Variants in VPS13A observed in about 807,000 individuals in gnomAD.
VPS13A encodes intermembrane lipid transfer protein VPS13A.
In VPS13A, 264 loss-of-function variants were observed where a neutral mutation model predicts 390.9. The ratio of observed to expected loss-of-function variants is 0.68; its 90% CI spans 0.61 to 0.75. VPS13A has a LOEUF of 0.75. VPS13A is among the 30% of genes least tolerant of loss of function. VPS13A has a pLI of 0.00. For synonymous variants in VPS13A, 1,231 were observed against 1,227.1 expected, an observed-to-expected ratio of 1.00 and a Z score of -0.07; for missense variants, 3,409 against 3,733.9, an observed-to-expected ratio of 0.91 and a Z score of 2.27.
intron 50 of VPS13A, among the ~76,000 whole-genome samples, chr9:77,343,585 A>G (rs940960083): frequency 1.5e-4 from 23 of 152,184 alleles, no homozygotes; most frequent in African/African-American, 4.3e-4. Flanking sequence ...ACTATCTCCT[A>G]TTCTTTTAGT....
At chr9:77,387,290 A>G (rs1028718706) in intron 68 of VPS13A, among the ~76,000 whole-genome samples, 7 of 152,364 alleles carry the variant, frequency 4.6e-5, no homozygotes, top group East Asian at 1.9e-4. Context: ...TTGTTTATCA[A>G]TGGTTCTATA....
chr9:77,213,252 C>T lies in VPS13A; in HGVS notation c.634C>T (p.Leu212=). The change falls in exon 9 of 72, where the codon CTG becomes TTG. Residue 212 remains leucine, a synonymous_variant. Transcript: ENST00000360280. ...LVRKLIRLDN[L]FAYWNVKSQM... The stretch of plus-strand genomic sequence containing the variant: ...TTTTCAGTTAATCCGATTGGATAAC[C>T]TGTTTGCCTATTGGAATGTGAAGTC... The T allele has an allele frequency of 6.2e-7, 1 of 1,613,574 alleles. No homozygotes were observed. The highest frequency in any genetic ancestry group is 8.5e-7 in the Non-Finnish European group (1 of 1,179,790).
At chr9:77,389,308 C>A (rs1226770728) in intron 68 of VPS13A, among the ~76,000 whole-genome samples, 1 of 137,722 alleles carries the variant, frequency 7.3e-6, no homozygotes, top group Admixed American at 7.3e-5. Flanking sequence ...AAGCAGAACT[C>A]TTTTTTTTTT....
intron 68 of VPS13A, chr9:77,384,583 A>C (rs1224871010): frequency 1.2e-6 from 2 of 1,611,596 alleles, no homozygotes; most frequent in East Asian, 4.5e-5. Context: ...CCATGCTTAC[A>C]GAAAATTCAA....
chr9:77,204,640 C>A (rs578167266), intron 3 of VPS13A, among the ~76,000 whole-genome samples: 1 of 151,864 alleles, frequency 6.6e-6, no homozygotes, highest in Non-Finnish European at 1.5e-5. Context: ...CCTTTCATTG[C>A]GGGGAGGTAA....
intron 1 of VPS13A, among the ~76,000 whole-genome samples, chr9:77,192,709 GTGCTAGCCTGA>G (rs1248971909): frequency 6.6e-6 from 1 of 152,104 alleles, no homozygotes; most frequent in Non-Finnish European, 1.5e-5. Context: ...GAAAGGTCTG[GTGCTAGCCTGA>G]TGGGATTCCC....
chr9:77,245,100 G>A (rs1824731668), intron 19 of VPS13A, among the ~76,000 whole-genome samples: 2 of 152,096 alleles, frequency 1.3e-5, no homozygotes, highest in Admixed American at 1.3e-4. Context: ...TAAGCAGTTA[G>A]GATTTTGTTG....
In VPS13A at chr9:77,327,733, C is replaced by G. The variant is rs1464955857; in HGVS notation, c.5992-4277C>G. ...TGAGATAATCTTCATACTTTTCTCT[C>G]TAAAGAAAATTGCAACAATTCAGTC... On this transcript the variant is annotated intron_variant, in intron 45 of 71. Transcript: ENST00000360280. Among the ~76,000 whole-genome samples the G allele has an allele frequency of 2.0e-5, 3 of 151,978 alleles. No individual in the cohort carries two copies. In the South Asian group the frequency reaches 6.2e-4, roughly 32 times the overall value.
chr9:77,284,010 A>C (rs1429147452), intron 31 of VPS13A, among the ~76,000 whole-genome samples: 2 of 146,296 alleles, frequency 1.4e-5, no homozygotes, highest in African/African-American at 2.5e-5. Context: ...CTTGTAATGC[A>C]TTTTAGATAC....
chr9:77,420,565 T>C lies in VPS13A; in HGVS notation c.*4559T>C, dbSNP rs1044529004. On this transcript the variant is annotated 3_prime_UTR_variant, in exon 72 of 72. Coordinates refer to ENST00000360280, the MANE Select transcript of VPS13A (RefSeq NM_033305.3). Reference sequence around the variant, plus strand: ...GGTTGATATGGGTATATTTTTAAAGTTTTTATTACTTTATACAAATACAAA... The same window carrying C: ...GGTTGATATGGGTATATTTTTAAAGCTTTTATTACTTTATACAAATACAAA... 8.5e-5 allele frequency: 13 copies of C among 152,286 alleles called. No homozygotes were observed. The highest frequency in any genetic ancestry group is 6.2e-4 in the South Asian group (3 of 4,832). The allele number at this position is 152,286 out of a possible 1,614,324, so 9.4% of individuals were successfully genotyped here.
chr9:77,286,976 C>A (rs183432004), intron 31 of VPS13A, among the ~76,000 whole-genome samples: 70 of 152,052 alleles, frequency 4.6e-4, no homozygotes, highest in Non-Finnish European at 8.8e-4. Context: ...AGCCTTTCTG[C>A]TCTAAACTCT....
At chr9:77,407,761 G>T in intron 71 of VPS13A, 154 bp downstream of exon 71, 2 of 619,272 alleles carry the variant, frequency 3.2e-6, no homozygotes, top group Non-Finnish European at 5.7e-6. Context: ...TATGTAACCA[G>T]ATAATATTTA....
At chr9:77,270,075 A>G (rs930136930) in intron 23 of VPS13A, among the ~76,000 whole-genome samples, 4 of 152,164 alleles carry the variant, frequency 2.6e-5, no homozygotes, top group Non-Finnish European at 4.4e-5. Context: ...AGTCTATGCT[A>G]TTTTGTTATG....
intron 17 of VPS13A, among the ~76,000 whole-genome samples, chr9:77,235,103 C>T (rs955710612): frequency 1.3e-5 from 2 of 152,118 alleles, no homozygotes; most frequent in African/African-American, 4.8e-5. Context: ...ATATTACTGG[C>T]TTTCTTATTT....
intron 2 of VPS13A, 77 bp from the exon 3 acceptor site, chr9:77,201,288 G>T: frequency 1.0e-6 from 1 of 971,458 alleles, no homozygotes; most frequent in Non-Finnish European, 1.6e-6. Flanking sequence ...ATAATTTTTG[G>T]AAGTAAAGAG....
chr9:77,217,783 C>CT (rs546757591), intron 10 of VPS13A, among the ~76,000 whole-genome samples: 15,365 of 138,478 alleles, frequency 0.11, 842 homozygotes, highest in African/African-American at 0.12. Context: ...CTTTTTTTTT[C>CT]TTTTTTTTTT....
chr9:77,202,919 G>A (rs985141279), intron 3 of VPS13A, among the ~76,000 whole-genome samples: 4 of 152,036 alleles, frequency 2.6e-5, no homozygotes, highest in Non-Finnish European at 4.4e-5. Flanking sequence ...AGTAGACATC[G>A]AGTTTCTTGA....
At chr9:77,206,111 A>G in intron 5 of VPS13A, 32 bp downstream of exon 5, 1 of 1,416,718 alleles carries the variant, frequency 7.1e-7, no homozygotes, top group Non-Finnish European at 9.7e-7. Context: ...AATGCTAATA[A>G]GAGAAGTAGA....
chr9:77,219,347 A>G (rs1487693785), intron 10 of VPS13A, among the ~76,000 whole-genome samples: 2 of 152,314 alleles, frequency 1.3e-5, no homozygotes, highest in Middle Eastern at 3.4e-3. Flanking sequence ...TAATTTAATG[A>G]TGGATCTTTG....
Sources: gnomAD v4.1 joint callset for allele counts (sites outside exome capture counted in the v4.1 genomes callset) on GRCh38, gnomAD v4.1.1 for gene constraint, MANE v1.5 for transcripts, NCBI Gene and HGNC (gene_info 2026-07-23, HGNC 2026-07-21) for gene names.